Variants in IL1RAPL1 observed in about 807,000 individuals in gnomAD.
IL1RAPL1 encodes the protein interleukin 1 receptor accessory protein like 1.
Under a neutral mutation model 48.4 loss-of-function variants are expected in IL1RAPL1, and 3 were observed. The observed-to-expected ratio is 0.06, with a 90% CI of 0.03 to 0.16. The LOEUF (loss-of-function observed/expected upper bound fraction) is 0.16, where lower values mean the gene tolerates loss of function less well. IL1RAPL1 is among the 10% of genes least tolerant of loss of function. The pLI, the probability that IL1RAPL1 is intolerant of heterozygous loss-of-function variation, is 1.00. For missense variants in IL1RAPL1, 349 were observed against 530.6 expected, an observed-to-expected ratio of 0.66 and a Z score of 3.36; for synonymous variants, 185 against 187.7, an observed-to-expected ratio of 0.99 and a Z score of 0.12.
chrX:29,109,686 C>T (rs1387907538), intron 2 of IL1RAPL1, among the ~76,000 whole-genome samples: 1 of 110,489 alleles, frequency 9.1e-6, no homozygotes, highest in Admixed American at 9.7e-5. Flanking sequence ...AGTTTGTACT[C>T]GGATTGATTT....
intron 1 of IL1RAPL1, among the ~76,000 whole-genome samples, chrX:28,755,553 C>T (rs1236115889): frequency 1.8e-5 from 2 of 111,740 alleles, no homozygotes; most frequent in African/African-American, 6.5e-5. Flanking sequence ...AGAAAACATA[C>T]ATAGTTCCTT....
chrX:28,908,895 T>C (rs1235153252), intron 2 of IL1RAPL1, among the ~76,000 whole-genome samples: 3 of 112,009 alleles, frequency 2.7e-5, no homozygotes, highest in African/African-American at 9.7e-5. Context: ...ATATTTAAGA[T>C]GTTATGTCTA....
At position 29,955,698 on chromosome X, in the gene IL1RAPL1, A is replaced by G. The variant is rs774622897; in HGVS notation, c.1969A>G (p.Ile657Val). 2.5e-6 allele frequency: 3 copies of G among 1,211,443 alleles called. No individual in the cohort carries two copies. In the East Asian group the frequency reaches 8.9e-5, roughly 36 times the overall value. Reference protein sequence around the residue: ...HTYCNIPMTLINGQRPQTKSS... With the variant: ...HTYCNIPMTLVNGQRPQTKSS... Reference sequence around the variant, plus strand: ...CTACTGTAACATCCCTATGACACTCATCAACGGGCAGCGGCCACAGACAAA... The same window carrying G: ...CTACTGTAACATCCCTATGACACTCGTCAACGGGCAGCGGCCACAGACAAA... Residue 657 changes from isoleucine to valine, a missense_variant, in exon 11 of 11, where the codon ATC becomes GTC. Ile to Val is a conservative substitution (Grantham distance 29). Around this residue, in one of 3 missense-constraint regions of IL1RAPL1, gnomAD observed 65 missense variants for 79.6 expected, o/e 0.82. Transcript: ENST00000378993.
chrX:28,735,962 A>T (rs1445794370), intron 1 of IL1RAPL1, among the ~76,000 whole-genome samples: 1 of 110,904 alleles, frequency 9.0e-6, no homozygotes, highest in African/African-American at 3.3e-5. Context: ...GCCATTTTTC[A>T]TGGGTTTTAT....
intron 1 of IL1RAPL1, among the ~76,000 whole-genome samples, chrX:28,781,005 A>G (rs765733881): frequency 1.8e-5 from 2 of 111,773 alleles, no homozygotes; most frequent in African/African-American, 6.5e-5. Flanking sequence ...AATAGAAAAT[A>G]TAATAATTAT....
At chrX:28,980,388 C>T (rs1022260495) in intron 2 of IL1RAPL1, among the ~76,000 whole-genome samples, 1 of 112,552 alleles carries the variant, frequency 8.9e-6, no homozygotes, top group Non-Finnish European at 1.9e-5. Context: ...TCAAGTCAAA[C>T]GTCTGTTAAC....
chrX:29,191,435 A>G (rs1474279136), intron 2 of IL1RAPL1, among the ~76,000 whole-genome samples: 2 of 111,560 alleles, frequency 1.8e-5, no homozygotes, highest in African/African-American at 6.5e-5. Context: ...GGCCTGTAAT[A>G]ATCAAAACTC....
intron 2 of IL1RAPL1, among the ~76,000 whole-genome samples, chrX:29,073,724 A>G (rs2147442427): frequency 8.9e-6 from 1 of 111,787 alleles, no homozygotes; most frequent in Non-Finnish European, 1.9e-5. Context: ...ATATGACATT[A>G]TGAGTTTGAG....
At chrX:29,376,986 T>C in intron 3 of IL1RAPL1, among the ~76,000 whole-genome samples, 1 of 111,855 alleles carries the variant, frequency 8.9e-6, no homozygotes, top group Non-Finnish European at 1.9e-5. Context: ...TGTGTAGCTG[T>C]CTCAGTCTTT....
chrX:29,312,849 G>T (rs1932746502), intron 3 of IL1RAPL1, among the ~76,000 whole-genome samples: 1 of 110,874 alleles, frequency 9.0e-6, no homozygotes, highest in Admixed American at 9.6e-5. Flanking sequence ...TAGTGAATAA[G>T]TCTCACGAGA....
intron 2 of IL1RAPL1, among the ~76,000 whole-genome samples, chrX:29,012,953 G>T (rs779333943): frequency 4.5e-5 from 5 of 111,793 alleles, no homozygotes; most frequent in African/African-American, 1.6e-4. Flanking sequence ...GTGGGACCAA[G>T]ATCTTAAAGC....
intron 2 of IL1RAPL1, among the ~76,000 whole-genome samples, chrX:28,826,737 T>G (rs1470768800): frequency 9.0e-6 from 1 of 111,039 alleles, no homozygotes; most frequent in Non-Finnish European, 1.9e-5. Context: ...GGGGGGTACA[T>G]TAGCTGGTTC....
intron 1 of IL1RAPL1, among the ~76,000 whole-genome samples, chrX:28,613,441 A>G (rs1440787621): frequency 8.9e-6 from 1 of 112,962 alleles, no homozygotes. Flanking sequence ...CCCTTAACCA[A>G]AGGTGAGGGA....
intron 5 of IL1RAPL1, among the ~76,000 whole-genome samples, chrX:29,547,332 G>T (rs192347123): frequency 1.8e-5 from 2 of 111,059 alleles, no homozygotes; most frequent in Non-Finnish European, 3.8e-5. Context: ...TCTAAGGTCC[G>T]TGATGCCCAA....
At chrX:29,405,476 C>T (rs1213384148) in intron 5 of IL1RAPL1, among the ~76,000 whole-genome samples, 2 of 98,820 alleles carry the variant, frequency 2.0e-5, no homozygotes, top group Non-Finnish European at 3.9e-5. Context: ...ACGCCATTCT[C>T]CTGCCTCAGC....
At chrX:29,147,216 C>G (rs1929369073) in intron 2 of IL1RAPL1, among the ~76,000 whole-genome samples, 1 of 111,976 alleles carries the variant, frequency 8.9e-6, no homozygotes, top group Non-Finnish European at 1.9e-5. Context: ...CAGTCCACAG[C>G]CCAAGGATTC....
At chrX:29,920,162 C>A in intron 8 of IL1RAPL1, 68 bp downstream of exon 8, 8 of 1,145,754 alleles carry the variant, frequency 7.0e-6, no homozygotes, top group Non-Finnish European at 9.5e-6. Context: ...CATTGGGAAC[C>A]AAGAAACAAA....
intron 2 of IL1RAPL1, among the ~76,000 whole-genome samples, chrX:28,980,212 A>G (rs912902295): frequency 3.6e-5 from 4 of 112,430 alleles, no homozygotes; most frequent in African/African-American, 6.5e-5. Context: ...CCAGTGTTTT[A>G]CACAGTCTGT....
At chrX:29,746,429 C>T (rs1025170447) in intron 6 of IL1RAPL1, among the ~76,000 whole-genome samples, 2 of 111,529 alleles carry the variant, frequency 1.8e-5, no homozygotes, top group African/African-American at 3.3e-5. Flanking sequence ...GAATTTTTCT[C>T]TCTACATATG....
Sources: gnomAD v4.1 joint callset for allele counts (sites outside exome capture counted in the v4.1 genomes callset) on GRCh38, gnomAD v4.1.1 for gene constraint, gnomAD v4.1.1 regional missense constraint, MANE v1.5 for transcripts, NCBI Gene and HGNC (gene_info 2026-07-23, HGNC 2026-07-21) for gene names.